The following SIK3 variants were observed in gnomAD, a reference collection of about 807,000 sequenced individuals.
SIK3 encodes the protein SIK family kinase 3, also known as serine/threonine-protein kinase SIK3.
Under a neutral mutation model 144.2 loss-of-function variants are expected in SIK3, and 28 were observed. The ratio of observed to expected loss-of-function variants is 0.19; its 90% CI spans 0.14 to 0.27. The LOEUF (loss-of-function observed/expected upper bound fraction) is 0.27, where lower values mean the gene tolerates loss of function less well. SIK3 is among the 10% of genes least tolerant of loss of function. The pLI is 1.00. For missense variants in SIK3, 1,319 were observed against 1,776.0 expected (o/e 0.74, Z 4.62); for synonymous variants, 686 against 676.3 (o/e 1.01, Z -0.22).
At chr11:116,959,602 C>G (rs1949269078) in intron 1 of SIK3, among the ~76,000 whole-genome samples, 1 of 152,136 alleles carries the variant, frequency 6.6e-6, no homozygotes, top group Non-Finnish European at 1.5e-5. Flanking sequence ...TCTTTCACCT[C>G]CAAGAGATCA....
chr11:117,007,176 G>A (rs1951079640), intron 1 of SIK3, among the ~76,000 whole-genome samples: 1 of 152,216 alleles, frequency 6.6e-6, no homozygotes, highest in South Asian at 2.1e-4. Context: ...TCAGGAGATT[G>A]AGACCAGCCT....
chr11:116,975,762 A>AC (rs1467642078), intron 1 of SIK3, among the ~76,000 whole-genome samples: 3 of 152,312 alleles, frequency 2.0e-5, no homozygotes, highest in Non-Finnish European at 4.4e-5. Context: ...TCCACTTTTA[A>AC]CATTTTTTGG....
At position 116,854,892 on chromosome 11, in the gene SIK3, A is replaced by G. The variant is rs1328659169; in HGVS notation, c.3655+2918T>C. 3.9e-5 allele frequency among the ~76,000 whole-genome samples: 6 copies of G among 152,032 alleles called. No homozygotes were observed. The East Asian group carries it at 1.2e-3, about 29-fold the overall frequency. On this transcript the variant is annotated intron_variant, in intron 21 of 24. Coordinates refer to ENST00000445177, the MANE Select transcript of SIK3 (RefSeq NM_001366686.3). ...GATCACTTGAAGTCAGGAGTTCAAG[A>G]CCAGCCTGGCCAACATGGTGAAACC... is the stretch of plus-strand genomic sequence containing the variant.
intron 3 of SIK3, among the ~76,000 whole-genome samples, chr11:116,947,265 TA>T (rs1948699688): frequency 7.4e-6 from 1 of 135,554 alleles, no homozygotes; most frequent in Non-Finnish European, 1.5e-5. Context: ...TTATATATTA[TA>T]TATATATATA....
chr11:116,949,189 C>T lies in SIK3; in HGVS notation c.454+4855G>A, dbSNP rs527772550. On this transcript the variant is annotated intron_variant, in intron 3 of 24. Transcript: ENST00000445177. ...TAACCTAAGGAGCTATGACTACAGG[C>T]GCATGCCACCATGCCCAGCTAAAAG... is the stretch of plus-strand genomic sequence containing the variant. 1.7e-4 allele frequency among the ~76,000 whole-genome samples: 26 copies of T among 152,282 alleles called. No homozygotes were observed. The South Asian group carries it at 2.3e-3, about 13-fold the overall frequency.
chr11:116,922,159 G>C (rs981144188), intron 4 of SIK3, among the ~76,000 whole-genome samples: 4 of 151,990 alleles, frequency 2.6e-5, no homozygotes, highest in Non-Finnish European at 5.9e-5. Context: ...TTATTCTCTC[G>C]AAGAGAACTA....
At chr11:117,031,917 T>TA (rs1191293620) in intron 1 of SIK3, among the ~76,000 whole-genome samples, 3 of 152,076 alleles carry the variant, frequency 2.0e-5, no homozygotes, top group African/African-American at 2.4e-5. Flanking sequence ...GTGAATATAA[T>TA]AAAAAACCAC....
chr11:116,953,438 C>T (rs1302114393), intron 3 of SIK3, among the ~76,000 whole-genome samples: 1 of 152,096 alleles, frequency 6.6e-6, no homozygotes, highest in African/African-American at 2.4e-5. Flanking sequence ...ATCGTTTTGT[C>T]AGTTTTTAGC....
intron 3 of SIK3, among the ~76,000 whole-genome samples, chr11:116,937,318 T>C (rs1414881271): frequency 1.3e-5 from 2 of 152,218 alleles, no homozygotes; most frequent in Non-Finnish European, 2.9e-5. Context: ...GGAAAAGGTG[T>C]GGAAGCCAGA....
At chr11:116,876,846 G>A in intron 7 of SIK3, 78 bp downstream of exon 7, 1 of 1,164,790 alleles carries the variant, frequency 8.6e-7, no homozygotes, top group Non-Finnish European at 1.3e-6. Flanking sequence ...TTCAGGTTAT[G>A]GCCTGATTAC....
chr11:117,076,561 CTG>C (rs779638920), intron 1 of SIK3, among the ~76,000 whole-genome samples: 2 of 151,842 alleles, frequency 1.3e-5, no homozygotes, highest in Non-Finnish European at 2.9e-5. Flanking sequence ...GAGTCTCACT[CTG>C]TCACCCAGGC....
chr11:116,986,218 A>C (rs1950322085), intron 1 of SIK3, among the ~76,000 whole-genome samples: 1 of 152,208 alleles, frequency 6.6e-6, no homozygotes, highest in East Asian at 1.9e-4. Context: ...GTGCAGAAAA[A>C]GGAAAGAACA....
intron 1 of SIK3, among the ~76,000 whole-genome samples, chr11:117,051,682 C>T (rs1440942855): frequency 6.6e-6 from 1 of 151,890 alleles, no homozygotes; most frequent in South Asian, 2.1e-4. Flanking sequence ...GTGCACACCA[C>T]CATGCCCGGC....
intron 6 of SIK3, 102 bp from the exon 7 acceptor site, chr11:116,877,144 T>C: frequency 1.1e-6 from 1 of 939,890 alleles, no homozygotes; most frequent in Non-Finnish European, 1.7e-6. Context: ...TCCAACTCCC[T>C]GCTTCTAATT....
At chr11:116,928,286 A>T (rs1041102913) in intron 3 of SIK3, among the ~76,000 whole-genome samples, 6 of 152,354 alleles carry the variant, frequency 3.9e-5, no homozygotes, top group Admixed American at 3.3e-4. Context: ...TCAAACCAAC[A>T]ACACATATAG....
intron 1 of SIK3, among the ~76,000 whole-genome samples, chr11:117,009,943 T>C (rs935213545): frequency 3.9e-5 from 6 of 152,196 alleles, no homozygotes; most frequent in African/African-American, 1.4e-4. Context: ...CTCCAAAGCC[T>C]ACATTTTGAA....
intron 4 of SIK3, among the ~76,000 whole-genome samples, chr11:116,926,130 A>T (rs7121898): frequency 0.46 from 69,369 of 152,154 alleles, 19,218 homozygotes; most frequent in Non-Finnish European, 0.64. Flanking sequence ...AATCCTTAGA[A>T]CTGCTTTATA....
At chr11:117,069,580 C>T (rs946887100) in intron 1 of SIK3, among the ~76,000 whole-genome samples, 1 of 152,128 alleles carries the variant, frequency 6.6e-6, no homozygotes, top group African/African-American at 2.4e-5. Flanking sequence ...AGGGAAATAA[C>T]GGTTTCCTTG....
intron 6 of SIK3, among the ~76,000 whole-genome samples, chr11:116,884,459 G>C (rs1420908606): frequency 6.7e-6 from 1 of 149,982 alleles, no homozygotes; most frequent in Non-Finnish European, 1.5e-5. Flanking sequence ...TGATTATCCT[G>C]CCTCATAAAC....
Sources: allele counts gnomAD v4.1 joint callset (sites outside exome capture counted in the v4.1 genomes callset), GRCh38; gene constraint gnomAD v4.1.1; transcripts MANE v1.5; gene names NCBI Gene and HGNC (gene_info 2026-07-23, HGNC 2026-07-21).